Variants in EIF2D observed in about 807,000 individuals in gnomAD.
EIF2D encodes the protein eukaryotic translation initiation factor 2D.
Under a neutral mutation model 77.4 loss-of-function variants are expected in EIF2D, and 56 were observed. The ratio of observed to expected loss-of-function variants is 0.72; its 90% CI spans 0.58 to 0.90. EIF2D has a LOEUF of 0.90. Ranked by LOEUF, EIF2D falls within the 40% of genes least tolerant of loss-of-function variation. The pLI is 0.00. For synonymous variants in EIF2D, 230 were observed against 271.0 expected, an observed-to-expected ratio of 0.85 and a Z score of 1.49; for missense variants, 574 against 706.5, an observed-to-expected ratio of 0.81 and a Z score of 2.13.
intron 2 of EIF2D, among the ~76,000 whole-genome samples, chr1:206,581,325 C>T (rs782580793): frequency 5.9e-5 from 9 of 152,068 alleles, no homozygotes; most frequent in Non-Finnish European, 8.8e-5. Context: ...AAGCTGGGTG[C>T]GGTGGCTCAC....
At chr1:206,589,220 A>G (rs1669262095), downstream of EIF2D, 1 of 152,732 alleles carries the variant, frequency 6.5e-6, no homozygotes, top group South Asian at 2.1e-4. Context: ...TTCTTTTTAA[A>G]TGTCTTTCTT....
At chr1:206,612,173 AC>A (rs1274045519) in intron 1 of EIF2D, 113 bp downstream of exon 1, 98 of 1,422,932 alleles carry the variant, frequency 6.9e-5, no homozygotes, top group Non-Finnish European at 8.7e-5. Context: ...TCCCTGGCAT[AC>A]CCCTCGGCCT....
At chr1:206,586,706 T>C (rs939101696), downstream of EIF2D, 1 of 778,798 alleles carries the variant, frequency 1.3e-6, no homozygotes. Flanking sequence ...AGTAGCAAAC[T>C]GTGTGTGAAT....
downstream of EIF2D, among the ~76,000 whole-genome samples, chr1:206,590,174 G>A (rs1669297784): frequency 6.6e-6 from 1 of 152,160 alleles, no homozygotes; most frequent in Non-Finnish European, 1.5e-5. Context: ...AGGGGGAGAG[G>A]GAAGATGACT....
At chr1:206,597,971 A>G (rs1282613052) in intron 11 of EIF2D, among the ~76,000 whole-genome samples, 1 of 152,184 alleles carries the variant, frequency 6.6e-6, no homozygotes. Context: ...ACATAAAATA[A>G]AATGAAGGTA....
chr1:206,597,090 T>C lies in EIF2D; in HGVS notation c.1388+10A>G, dbSNP rs782372469. On this transcript the variant is annotated intron_variant, in intron 12 of 14. Transcript: ENST00000271764. ...AGAAAAGTTGGAGAGGGACTGCCAA[T>C]GCTCGTTACCTGGTCAGAAGACTGT... The C allele has an allele frequency of 6.2e-7, 1 of 1,612,056 alleles. No homozygotes were observed. The highest frequency in any genetic ancestry group is 1.1e-5 in the South Asian group (1 of 91,024).
downstream of EIF2D, among the ~76,000 whole-genome samples, chr1:206,569,194 G>A (rs1021385126): frequency 4.3e-4 from 65 of 152,324 alleles, no homozygotes; most frequent in African/African-American, 1.4e-3. Context: ...GTGTATTCGC[G>A]GGAGCCTTCA....
At chr1:206,583,362 T>G in intron 2 of EIF2D, 2 of 1,611,480 alleles carry the variant, frequency 1.2e-6, no homozygotes, top group South Asian at 1.1e-5. Flanking sequence ...AGAGAAGAAC[T>G]GCCTGGGCAT....
chr1:206,600,225 A>G, intron 8 of EIF2D, 38 bp downstream of exon 8: 1 of 1,603,630 alleles, frequency 6.2e-7, no homozygotes, highest in Non-Finnish European at 8.5e-7. Context: ...CCCCTACACA[A>G]CTCTCTGCAT....
At chr1:206,580,985 G>A (rs1259339277) in exon 3 of EIF2D, 2 of 152,276 alleles carry the variant, frequency 1.3e-5, no homozygotes, top group Non-Finnish European at 2.9e-5. Flanking sequence ...CAGAGTTTCA[G>A]TGATCATTAT....
At chr1:206,577,233 C>T (rs1486928971) in intron 4 of EIF2D, among the ~76,000 whole-genome samples, 2 of 152,022 alleles carry the variant, frequency 1.3e-5, no homozygotes, top group Non-Finnish European at 2.9e-5. Flanking sequence ...ACTGTCTGAC[C>T]CTTTACAGAA....
chr1:206,602,489 G>A (rs369054415), intron 6 of EIF2D, 36 bp from the exon 7 acceptor site: 15 of 1,574,738 alleles, frequency 9.5e-6, no homozygotes, highest in Middle Eastern at 1.7e-4. Context: ...TCCTTCCTGA[G>A]GGATACAGAA....
rs567624932 is a variant in EIF2D, at chr1:206,596,960, C to G, written c.1388+140G>C. 365 of 627,144 alleles carry G rather than the reference C, an allele frequency of 5.8e-4. 2 individuals carry two copies. Among genetic ancestry groups the G allele is most frequent in the Non-Finnish European group, 9.2e-4 (328 of 355,082 alleles). The allele number at this position is 627,144 out of a possible 1,614,324, so 38.8% of individuals were successfully genotyped here. ...CCCCCCAAATCAGAGTTCCTCAAGC[C>G]TGTGTTTATGTAGACTGACTTGGTA... On this transcript the variant is annotated intron_variant, in intron 12 of 14. Coordinates refer to ENST00000271764, the MANE Select transcript of EIF2D (RefSeq NM_006893.3).
chr1:206,583,123 C>T (rs1302834402), intron 2 of EIF2D: 2 of 598,884 alleles, frequency 3.3e-6, no homozygotes, highest in Non-Finnish European at 6.1e-6. Flanking sequence ...CTCTCATTGT[C>T]TCACTCCGAG....
At position 206,603,138 on chromosome 1, in the gene EIF2D, ACT is replaced by A; in HGVS notation, c.595_596del (p.Ser199Ter). On this transcript the variant is annotated frameshift_variant, in exon 6 of 15. Coordinates refer to ENST00000271764, the MANE Select transcript of EIF2D (RefSeq NM_006893.3). LOFTEE classifies it high-confidence loss of function. ...APLALDSADL[S>X]EEKGSVQMDS... Reference sequence around the variant, plus strand: ...CCATCTGGACAGACCCCTTCTCTTCACTGAGATCTGCTGAATCCAGGGCCAGT... The same window carrying A: ...CCATCTGGACAGACCCCTTCTCTTCAGAGATCTGCTGAATCCAGGGCCAGT... 3 of 1,614,014 alleles carry A rather than the reference ACT, an allele frequency of 1.9e-6. No homozygotes were observed. The South Asian group carries it at 3.3e-5, about 18-fold the overall frequency.
At chr1:206,609,505 C>T in intron 2 of EIF2D, 46 bp from the exon 3 acceptor site, 1 of 1,511,888 alleles carries the variant, frequency 6.6e-7, no homozygotes, top group Non-Finnish European at 9.1e-7. Context: ...AAAAGCCAAT[C>T]TTCTAGAGAA....
rs782443859 is a variant in EIF2D at position 206,599,643 on chromosome 1, CAT to C, written c.1053-33_1053-32del. ...ACCCAGCAGAAGGAAAGAAAAAACA[CAT>C]TTTATACTAGCATCTCAGCAATCCC... On this transcript the variant is annotated intron_variant, in intron 9 of 14. Coordinates refer to ENST00000271764, the MANE Select transcript of EIF2D (RefSeq NM_006893.3). This position sits in a 1 kb window ranked among gnomAD's most constrained non-coding sequence, Gnocchi z 4.1. The C allele has an allele frequency of 1.2e-6, 2 of 1,603,482 alleles. No individual in the cohort carries two copies. The highest frequency in any genetic ancestry group is 2.2e-5 in the South Asian group (2 of 89,900).
intron 4 of EIF2D, among the ~76,000 whole-genome samples, chr1:206,577,290 T>A (rs993540527): frequency 6.6e-6 from 1 of 152,174 alleles, no homozygotes; most frequent in Admixed American, 6.5e-5. Flanking sequence ...ACAAACTCTA[T>A]GGGCATGTGG....
intron 8 of EIF2D, 120 bp downstream of exon 8, chr1:206,600,143 A>G: frequency 9.4e-7 from 1 of 1,067,144 alleles, no homozygotes; most frequent in East Asian, 2.5e-5. Flanking sequence ...ACTTGGAGTC[A>G]AAAAGCTTAA....
Sources: gnomAD v4.1 joint callset for allele counts (sites outside exome capture counted in the v4.1 genomes callset) on GRCh38, gnomAD v4.1.1 for gene constraint, Gnocchi (gnomAD v3.1) non-coding constraint, MANE v1.5 for transcripts, NCBI Gene and HGNC (gene_info 2026-07-23, HGNC 2026-07-21) for gene names.